The following SYT9 variants were observed in gnomAD, a reference collection of about 807,000 sequenced individuals.
SYT9 encodes the protein synaptotagmin 9.
A neutral mutation model predicts 48.4 loss-of-function variants in SYT9; 22 were observed. That is an observed-to-expected ratio of 0.45 (90% CI 0.32 to 0.65). SYT9 has a LOEUF of 0.65. Ranked by LOEUF, SYT9 falls within the 30% of genes least tolerant of loss-of-function variation. SYT9 has a pLI of 0.03. For missense variants in SYT9, 577 were observed against 622.0 expected (o/e 0.93, Z 0.77); for synonymous variants, 265 against 245.0 (o/e 1.08, Z -0.76).
chr11:7,359,096 C>T (rs1309701520), intron 3 of SYT9, among the ~76,000 whole-genome samples: 6 of 147,680 alleles, frequency 4.1e-5, no homozygotes, highest in Admixed American at 1.4e-4. Flanking sequence ...TGAGAATATG[C>T]AGTGTTTGGT....
At chr11:7,303,442 C>G (rs1363606369) in intron 2 of SYT9, 52 bp downstream of exon 2, 1 of 1,463,374 alleles carries the variant, frequency 6.8e-7, no homozygotes, top group South Asian at 1.3e-5. Context: ...CCCCATTCCC[C>G]TCTCTGGCAA....
intron 1 of SYT9, among the ~76,000 whole-genome samples, chr11:7,255,160 T>A (rs1327207059): frequency 1.3e-5 from 2 of 152,230 alleles, no homozygotes; most frequent in African/African-American, 2.4e-5. Flanking sequence ...TATGGTGTTT[T>A]ATATGTTAAT....
chr11:7,411,479 G>T (rs940493031), intron 3 of SYT9, among the ~76,000 whole-genome samples: 8 of 152,054 alleles, frequency 5.3e-5, no homozygotes, highest in Non-Finnish European at 5.9e-5. Flanking sequence ...GACTTTTTTT[G>T]TGAAGGATAA....
At chr11:7,442,639 G>A (rs559168864) in intron 6 of SYT9, among the ~76,000 whole-genome samples, 32 of 152,256 alleles carry the variant, frequency 2.1e-4, no homozygotes, top group Middle Eastern at 6.8e-3. Context: ...CCTGTCAGCC[G>A]TTTTCTCCAG....
At position 7,343,113 on chromosome 11, in the gene SYT9, A is replaced by G. The variant is rs558440746; in HGVS notation, c.1044+29172A>G. On this transcript the variant is annotated intron_variant, in intron 3 of 6. Transcript: ENST00000318881. ...TTTATCCTAGGCCTCTAGGCCTGTG[A>G]TGGGAGGGGCTGCTGCAAGGGTCTC... is the stretch of plus-strand genomic sequence containing the variant. 5.3e-5 allele frequency among the ~76,000 whole-genome samples: 8 copies of G among 152,312 alleles called. No homozygotes were observed. In the South Asian group the frequency reaches 1.2e-3, roughly 24 times the overall value.
intron 3 of SYT9, among the ~76,000 whole-genome samples, chr11:7,334,071 G>A (rs1849591443): frequency 6.6e-6 from 1 of 152,172 alleles, no homozygotes; most frequent in Non-Finnish European, 1.5e-5. Flanking sequence ...GGATAGTTAG[G>A]CATTTGCCTG....
intron 6 of SYT9, among the ~76,000 whole-genome samples, chr11:7,455,527 A>T (rs1297738176): frequency 6.7e-6 from 1 of 149,590 alleles, no homozygotes; most frequent in East Asian, 2.0e-4. Context: ...TTTTGTAGAG[A>T]TGGGGTTTTA....
At chr11:7,324,804 C>A (rs955007427) in intron 3 of SYT9, among the ~76,000 whole-genome samples, 1 of 151,830 alleles carries the variant, frequency 6.6e-6, no homozygotes, top group Admixed American at 6.6e-5. Context: ...TGTTCTCTTA[C>A]ACATCAGTTT....
At chr11:7,263,258 GGCA>G (rs143481232) in intron 1 of SYT9, among the ~76,000 whole-genome samples, 2,819 of 152,264 alleles carry the variant, frequency 0.019, 47 homozygotes, top group East Asian at 0.09. Flanking sequence ...GCAAGGAGCT[GGCA>G]GATGCTGTGT....
chr11:7,468,568 C>G lies in SYT9; in HGVS notation c.*1768C>G. ...GAAGCAAAACATGAAGGGCTAGCGC[C>G]ACCAGGATAGTTAGCAGAAATATTG... On this transcript the variant is annotated 3_prime_UTR_variant, in exon 7 of 7. Transcript: ENST00000318881. The G allele has an allele frequency of 2.7e-6, 1 of 370,830 alleles. No homozygotes were observed. 23.0% of individuals were successfully genotyped at this position (370,830 alleles called of 1,614,324 possible).
At position 7,367,578 on chromosome 11, in the gene SYT9, G is replaced by C. The variant is rs539383954; in HGVS notation, c.1045-48464G>C. 1.4e-4 allele frequency among the ~76,000 whole-genome samples: 21 copies of C among 152,080 alleles called. No homozygotes were observed. The East Asian group carries it at 3.9e-3, about 28-fold the overall frequency. On this transcript the variant is annotated intron_variant, in intron 3 of 6. Transcript: ENST00000318881. Reference sequence around the variant, plus strand: ...CATTAATGCAGTTAAACATCTTTTTGTAAGTTTATTTAAGCCATTTCCTTT... The same window carrying C: ...CATTAATGCAGTTAAACATCTTTTTCTAAGTTTATTTAAGCCATTTCCTTT...
chr11:7,333,919 CAT>C (rs1383744778), intron 3 of SYT9, among the ~76,000 whole-genome samples: 1 of 152,186 alleles, frequency 6.6e-6, no homozygotes, highest in Non-Finnish European at 1.5e-5. Flanking sequence ...GATAGTGAAA[CAT>C]AACATTGCAC....
At chr11:7,327,849 A>G (rs1246366172) in intron 3 of SYT9, among the ~76,000 whole-genome samples, 2 of 73,116 alleles carry the variant, frequency 2.7e-5, no homozygotes, top group African/African-American at 1.1e-4. Context: ...GCATATTCTC[A>G]CTCATAGGTG....
At chr11:7,354,579 C>A (rs2134007668) in intron 3 of SYT9, among the ~76,000 whole-genome samples, 1 of 152,236 alleles carries the variant, frequency 6.6e-6, no homozygotes. Context: ...TGACATGTGA[C>A]CCCTCCTCAG....
chr11:7,382,914 A>G (rs1850592827), intron 3 of SYT9, among the ~76,000 whole-genome samples: 3 of 152,208 alleles, frequency 2.0e-5, no homozygotes, highest in Admixed American at 6.5e-5. Context: ...CCCCAGCACC[A>G]GCTCAGAAAT....
chr11:7,363,478 T>C (rs1850184309), intron 3 of SYT9, among the ~76,000 whole-genome samples: 1 of 152,198 alleles, frequency 6.6e-6, no homozygotes. Flanking sequence ...AAGGTGTCTG[T>C]ACACTATCCA....
At chr11:7,321,018 G>A (rs952062156) in intron 3 of SYT9, among the ~76,000 whole-genome samples, 2 of 152,010 alleles carry the variant, frequency 1.3e-5, no homozygotes, top group African/African-American at 2.4e-5. Context: ...TAGGCATTAA[G>A]CACTTCAGGA....
intron 1 of SYT9, among the ~76,000 whole-genome samples, chr11:7,241,551 T>G (rs923664215): frequency 1.8e-4 from 28 of 152,124 alleles, no homozygotes; most frequent in Non-Finnish European, 1.6e-4. Flanking sequence ...GAGAAGTAGC[T>G]AAGGACCAGG....
At chr11:7,367,098 T>TCC (rs1554913839) in intron 3 of SYT9, among the ~76,000 whole-genome samples, 19 of 112,992 alleles carry the variant, frequency 1.7e-4, no homozygotes, top group African/African-American at 4.4e-4. Context: ...TTTTTTTTTT[T>TCC]CGAGACGGAG....
Sources: allele counts gnomAD v4.1 joint callset (sites outside exome capture counted in the v4.1 genomes callset), GRCh38; gene constraint gnomAD v4.1.1; transcripts MANE v1.5; gene names NCBI Gene and HGNC (gene_info 2026-07-23, HGNC 2026-07-21).